The following RPS6KA2 variants were observed in gnomAD, a reference collection of about 807,000 sequenced individuals.
RPS6KA2 encodes the protein ribosomal protein S6 kinase alpha-2.
A neutral mutation model predicts 91.8 loss-of-function variants in RPS6KA2; 42 were observed. The observed-to-expected ratio is 0.46, with a 90% CI of 0.36 to 0.59. RPS6KA2 has a LOEUF of 0.59. Ranked by LOEUF, RPS6KA2 falls within the 20% of genes least tolerant of loss-of-function variation. RPS6KA2 has a pLI of 0.00. For synonymous variants in RPS6KA2, 414 were observed against 393.6 expected (o/e 1.05, Z -0.61); for missense variants, 798 against 978.5 (o/e 0.82, Z 2.46).
At chr6:166,524,656 C>T (rs1422265942) in intron 3 of RPS6KA2, among the ~76,000 whole-genome samples, 2 of 152,206 alleles carry the variant, frequency 1.3e-5, no homozygotes, top group East Asian at 3.9e-4. Flanking sequence ...GAGAAAAGGG[C>T]TGAAGGTGAA....
At position 166,419,981 on chromosome 6, in the gene RPS6KA2, C is replaced by T. The variant is rs754855183; in HGVS notation, c.1744-23G>A. The T allele has an allele frequency of 2.0e-5, 32 of 1,606,894 alleles. No individual in the cohort carries two copies. Among genetic ancestry groups the T allele is most frequent in the East Asian group, 2.2e-5 (1 of 44,782 alleles). Reference sequence around the variant, plus strand: ...GACCTAGGAGGGAACGACAGGACACCGGCACGCCCTTCACTAAGGACATTC... The same window carrying T: ...GACCTAGGAGGGAACGACAGGACACTGGCACGCCCTTCACTAAGGACATTC... On this transcript the variant is annotated intron_variant, in intron 17 of 20. Transcript: ENST00000265678. This position sits in a 1 kb window ranked among gnomAD's most constrained non-coding sequence, Gnocchi z 5.6.
At chr6:166,559,344 C>T (rs1784272135) in intron 1 of RPS6KA2, among the ~76,000 whole-genome samples, 1 of 152,180 alleles carries the variant, frequency 6.6e-6, no homozygotes, top group South Asian at 2.1e-4. Context: ...GGGTAGGATG[C>T]ATGACATACG....
chr6:166,581,952 G>GA, intron 1 of RPS6KA2, among the ~76,000 whole-genome samples: 1 of 123,794 alleles, frequency 8.1e-6, no homozygotes, highest in Non-Finnish European at 1.7e-5. Context: ...GGGAGAGGGT[G>GA]AGATAGGGTG....
chr6:166,614,923 A>C (rs967563666), intron 1 of RPS6KA2, among the ~76,000 whole-genome samples: 2 of 152,098 alleles, frequency 1.3e-5, no homozygotes, highest in African/African-American at 2.4e-5. Context: ...GCACCTACAA[A>C]GCCCATTTTG....
At chr6:166,460,185 C>T (rs1474791903) in intron 11 of RPS6KA2, among the ~76,000 whole-genome samples, 2 of 152,216 alleles carry the variant, frequency 1.3e-5, no homozygotes, top group Non-Finnish European at 2.9e-5. Flanking sequence ...TGCAGAGAAC[C>T]GGCCCTTCCC....
rs913193810 is a variant in RPS6KA2, at chr6:166,612,577, G to A, written c.99+14344C>T. ...GCTCTGAGCTGGGGCCTTGCTGCCC[G>A]ACTGCCTCCACTAATCCTGCTCATC... is the stretch of plus-strand genomic sequence containing the variant. On this transcript the variant is annotated intron_variant, in intron 1 of 20. Coordinates refer to ENST00000265678, the MANE Select transcript of RPS6KA2 (RefSeq NM_021135.6). The surrounding 1 kb of genome is among the most constrained non-coding windows in gnomAD (Gnocchi z 4.3). Among the ~76,000 whole-genome samples the A allele has an allele frequency of 8.5e-5, 13 of 152,264 alleles. No individual in the cohort carries two copies. The highest frequency in any genetic ancestry group is 2.4e-4 in the African/African-American group (10 of 41,542).
chr6:166,850,258 A>G (rs973612560), intron 2 of RPS6KA2, among the ~76,000 whole-genome samples: 2 of 152,080 alleles, frequency 1.3e-5, no homozygotes, highest in Non-Finnish European at 2.9e-5. Context: ...CAAACTATAC[A>G]ATTTTCTAAC....
At chr6:166,701,857 T>C in intron 2 of RPS6KA2, 8 of 906,476 alleles carry the variant, frequency 8.8e-6, no homozygotes, top group Non-Finnish European at 1.5e-5. Flanking sequence ...TAATGGTGTG[T>C]TCTGGATTAT....
chr6:166,723,390 AC>A (rs1377398974), intron 2 of RPS6KA2, among the ~76,000 whole-genome samples: 1 of 152,072 alleles, frequency 6.6e-6, no homozygotes, highest in African/African-American at 2.4e-5. Flanking sequence ...ACACGTGTGC[AC>A]CGCCTTCCTT....
intron 2 of RPS6KA2, among the ~76,000 whole-genome samples, chr6:166,645,224 A>C (rs1037067140): frequency 6.6e-6 from 1 of 152,242 alleles, no homozygotes; most frequent in African/African-American, 2.4e-5. Context: ...CAAGATGCAT[A>C]ATAGCATCTA....
chr6:166,498,571 G>A lies in RPS6KA2; in HGVS notation c.684C>T (p.Pro228=), dbSNP rs144324870. 1.2e-4 allele frequency: 190 copies of A among 1,613,684 alleles called. No homozygotes were observed. The highest frequency in any genetic ancestry group is 2.7e-4 in the East Asian group (12 of 44,890). ...SFCGTIEYMA[P]EVVNRRGHTQ... ...TGTGTCCTCGCCGGTTCACCACCTC[G>A]GGCGCCATGTACTCGATCGTCCCGC... Residue 228 remains proline, a synonymous_variant, in exon 8 of 21, where the codon CCC becomes CCT. Transcript: ENST00000265678.
intron 10 of RPS6KA2, among the ~76,000 whole-genome samples, chr6:166,470,708 C>G (rs1780734870): frequency 6.6e-6 from 1 of 152,188 alleles, no homozygotes; most frequent in Admixed American, 6.5e-5. Context: ...AGTAGCTCAG[C>G]TCACCGACTG....
chr6:166,426,052 G>A (rs1465074235), intron 16 of RPS6KA2, among the ~76,000 whole-genome samples: 6 of 151,944 alleles, frequency 3.9e-5, no homozygotes, highest in Admixed American at 2.0e-4. Flanking sequence ...ATAGTTGGAA[G>A]TAAAGCTCTC....
chr6:166,622,160 G>C (rs763946659), intron 1 of RPS6KA2, among the ~76,000 whole-genome samples: 7 of 152,072 alleles, frequency 4.6e-5, no homozygotes, highest in South Asian at 2.1e-4. Flanking sequence ...GGAAAAGGAC[G>C]GGCAAAGCAA....
Position 166,563,744 on chromosome 6 carries a change from C to G in RPS6KA2, c.100-24960G>C, listed in dbSNP as rs149094355. Among the ~76,000 whole-genome samples the G allele has an allele frequency of 4.0e-3, 605 of 152,314 alleles. 4 individuals carry two copies. The highest frequency in any genetic ancestry group is 0.014 in the African/African-American group (583 of 41,566). ...TTTCAGCAATTGATAAGTAACTCAG[C>G]TTTTATGGGCTGGACCTTTAGGGTA... On this transcript the variant is annotated intron_variant, in intron 1 of 20. Coordinates refer to ENST00000265678, the MANE Select transcript of RPS6KA2 (RefSeq NM_021135.6). This position sits in a 1 kb window ranked among gnomAD's most constrained non-coding sequence, Gnocchi z 4.1.
intron 1 of RPS6KA2, among the ~76,000 whole-genome samples, chr6:166,619,931 T>C (rs895228974): frequency 2.0e-5 from 3 of 152,154 alleles, no homozygotes; most frequent in Non-Finnish European, 2.9e-5. Flanking sequence ...CAAAACAAAG[T>C]CATTCAAAGT....
At chr6:166,560,041 C>T (rs572929123) in intron 1 of RPS6KA2, among the ~76,000 whole-genome samples, 14 of 152,314 alleles carry the variant, frequency 9.2e-5, no homozygotes, top group African/African-American at 3.4e-4. Context: ...AGCACTATGA[C>T]ATCAAAATCA....
intron 2 of RPS6KA2, among the ~76,000 whole-genome samples, chr6:166,724,289 C>T (rs532742622): frequency 2.0e-5 from 3 of 152,058 alleles, no homozygotes; most frequent in Non-Finnish European, 4.4e-5. Context: ...GCAGTTTTTG[C>T]TTCATAAATT....
At chr6:166,833,045 T>C (rs943972317) in intron 2 of RPS6KA2, among the ~76,000 whole-genome samples, 3 of 152,230 alleles carry the variant, frequency 2.0e-5, no homozygotes, top group African/African-American at 7.2e-5. Flanking sequence ...ATAATCATAA[T>C]AGCAGACATT....
Sources: allele counts gnomAD v4.1 joint callset (sites outside exome capture counted in the v4.1 genomes callset), GRCh38; gene constraint gnomAD v4.1.1; non-coding constraint Gnocchi (gnomAD v3.1); transcripts MANE v1.5; gene names NCBI Gene and HGNC (gene_info 2026-07-23, HGNC 2026-07-21).